CNOT2: variants seen among roughly 807,000 people sequenced by gnomAD.
CNOT2 encodes the protein CCR4-NOT transcription complex subunit 2.
A neutral mutation model predicts 72.1 loss-of-function variants in CNOT2; 7 were observed. That is an observed-to-expected ratio of 0.10 (90% CI 0.06 to 0.18). CNOT2 has a LOEUF of 0.18. CNOT2 is among the 10% of genes least tolerant of loss of function. The pLI, the probability that CNOT2 is intolerant of heterozygous loss-of-function variation, is 1.00. For missense variants in CNOT2, 345 were observed against 660.3 expected, an observed-to-expected ratio of 0.52 and a Z score of 5.23; for synonymous variants, 196 against 225.6, an observed-to-expected ratio of 0.87 and a Z score of 1.17.
chr12:70,337,024 T>A (rs1880797047), intron 8 of CNOT2: 1 of 161,438 alleles, frequency 6.2e-6, no homozygotes, highest in Non-Finnish European at 1.4e-5. Context: ...AATTTTATTT[T>A]GTTCATTTGT....
intron 2 of CNOT2, among the ~76,000 whole-genome samples, chr12:70,307,304 C>G (rs1158757599): frequency 6.6e-6 from 1 of 152,170 alleles, no homozygotes; most frequent in Non-Finnish European, 1.5e-5. Flanking sequence ...TTGACTTAAA[C>G]ACGTACAGCT....
At chr12:70,295,346 G>T (rs1872640426) in intron 2 of CNOT2, among the ~76,000 whole-genome samples, 1 of 152,106 alleles carries the variant, frequency 6.6e-6, no homozygotes, top group South Asian at 2.1e-4. Context: ...CTTCCCAGCA[G>T]TTTGTCTCCC....
In CNOT2 at chr12:70,335,423, T is replaced by G. The variant is rs377431152; in HGVS notation, c.650-15T>G. On this transcript the variant is annotated splice_polypyrimidine_tract_variant and intron_variant, in intron 7 of 15. Coordinates refer to ENST00000229195, the MANE Select transcript of CNOT2 (RefSeq NM_014515.7). ...TTTGTAGAATCAATAACCAGTGTCC[T>G]TTCTTATTATTTAGACGGAAGTGAA... 6.4e-7 allele frequency: 1 copy of G among 1,571,972 alleles called. No homozygotes were observed. The highest frequency in any genetic ancestry group is 1.4e-5 in the African/African-American group (1 of 73,820).
At chr12:70,243,251 G>A (rs1183913791), upstream of CNOT2, 3 of 152,686 alleles carry the variant, frequency 2.0e-5, no homozygotes, top group Non-Finnish European at 4.4e-5. Context: ...AGGGCGGTAG[G>A]GAAGTGAAGC....
chr12:70,313,906 A>G (rs930100379), intron 3 of CNOT2, among the ~76,000 whole-genome samples: 1 of 152,108 alleles, frequency 6.6e-6, no homozygotes. Context: ...GCCTGTTTCT[A>G]AGATCTTGTT....
At chr12:70,301,178 T>G (rs747073114) in intron 2 of CNOT2, among the ~76,000 whole-genome samples, 1 of 152,220 alleles carries the variant, frequency 6.6e-6, no homozygotes, top group African/African-American at 2.4e-5. Flanking sequence ...AGGGTCAATT[T>G]GACTTCCTCT....
chr12:70,266,084 A>G (rs545936417), intron 1 of CNOT2, among the ~76,000 whole-genome samples: 8 of 150,796 alleles, frequency 5.3e-5, no homozygotes, highest in Admixed American at 6.6e-5. Flanking sequence ...TTTGTAATCT[A>G]CTGTCGTTGA....
intron 1 of CNOT2, among the ~76,000 whole-genome samples, chr12:70,277,462 C>T (rs1054405614): frequency 2.0e-5 from 3 of 151,754 alleles, no homozygotes; most frequent in African/African-American, 7.3e-5. Flanking sequence ...ATTATTTTTT[C>T]GCCCAATGTA....
intron 15 of CNOT2, among the ~76,000 whole-genome samples, chr12:70,352,245 G>T (rs953025275): frequency 0.011 from 1 of 92 alleles, no homozygotes; most frequent in African/African-American, 0.056. Flanking sequence ...TGCTAGGTGT[G>T]CCGCTTACTG....
chr12:70,322,461 C>G (rs1054242648), intron 4 of CNOT2: 8 of 151,766 alleles, frequency 5.3e-5, no homozygotes, highest in African/African-American at 1.9e-4. Flanking sequence ...CCAACAGGAT[C>G]TAGGACCTTG....
At chr12:70,263,220 T>G (rs1439298539) in intron 1 of CNOT2, among the ~76,000 whole-genome samples, 15 of 152,146 alleles carry the variant, frequency 9.9e-5, no homozygotes, top group Non-Finnish European at 1.5e-5. Flanking sequence ...GTAACTCTTC[T>G]TGGATGTGTA....
intron 6 of CNOT2, 65 bp downstream of exon 6, chr12:70,330,534 AT>A: frequency 8.7e-7 from 1 of 1,150,176 alleles, no homozygotes; most frequent in Non-Finnish European, 1.2e-6. Flanking sequence ...GCCTTTTCAT[AT>A]TTTCACTTTG....
At chr12:70,347,777 C>G (rs1039164760) in intron 15 of CNOT2, 8 of 152,026 alleles carry the variant, frequency 5.3e-5, no homozygotes, top group African/African-American at 1.9e-4. Context: ...TATTTTGTAT[C>G]TGAATTATTT....
At chr12:70,247,192 G>C (rs1232745384) in intron 1 of CNOT2, among the ~76,000 whole-genome samples, 1 of 151,026 alleles carries the variant, frequency 6.6e-6, no homozygotes, top group Non-Finnish European at 1.5e-5. Flanking sequence ...TTGAGACGAA[G>C]TTTTGCTCGT....
intron 14 of CNOT2, chr12:70,345,959 T>C: frequency 2.5e-6 from 1 of 401,796 alleles, no homozygotes. Context: ...AATAAAAGTG[T>C]GTGTATTAAT....
intron 2 of CNOT2, among the ~76,000 whole-genome samples, chr12:70,303,235 A>G (rs1171150629): frequency 1.3e-5 from 2 of 152,108 alleles, no homozygotes; most frequent in Non-Finnish European, 2.9e-5. Context: ...TAGTATTGTT[A>G]TGTGTGAATT....
chr12:70,297,468 A>G (rs535341691), intron 2 of CNOT2, among the ~76,000 whole-genome samples: 2 of 152,346 alleles, frequency 1.3e-5, no homozygotes, highest in South Asian at 2.1e-4. Context: ...TAGAGAATCT[A>G]CAATAAAAAG....
chr12:70,321,293 C>G (rs1485363023), intron 4 of CNOT2, among the ~76,000 whole-genome samples: 3 of 151,694 alleles, frequency 2.0e-5, no homozygotes, highest in Non-Finnish European at 4.4e-5. Context: ...GATCTAGAAG[C>G]TATAACTAGT....
In CNOT2 at chr12:70,300,336, A is replaced by G. The variant is rs796859471; in HGVS notation, c.49-10559A>G. On this transcript the variant is annotated intron_variant, in intron 2 of 15. Transcript: ENST00000229195. ...TGGTATTGCCTAGGTTTTCTTCTAG[A>G]GTTTTTATGGTTTTAGGTCTAACAT... 3.3e-5 allele frequency among the ~76,000 whole-genome samples: 5 copies of G among 152,022 alleles called. No individual in the cohort carries two copies. The East Asian group carries it at 9.6e-4, about 29-fold the overall frequency.
Sources: allele counts gnomAD v4.1 joint callset (sites outside exome capture counted in the v4.1 genomes callset), GRCh38; gene constraint gnomAD v4.1.1; transcripts MANE v1.5; gene names NCBI Gene and HGNC (gene_info 2026-07-23, HGNC 2026-07-21).